RAB40C: variants seen among roughly 807,000 people sequenced by gnomAD.
The protein encoded by RAB40C is RAB40C, member RAS oncogene family.
Under a neutral mutation model 28.1 loss-of-function variants are expected in RAB40C, and 8 were observed. The observed-to-expected ratio is 0.28, with a 90% CI of 0.17 to 0.51. The LOEUF (loss-of-function observed/expected upper bound fraction) is 0.51, where lower values mean the gene tolerates loss of function less well. Ranked by LOEUF, RAB40C falls within the 20% of genes least tolerant of loss-of-function variation. The pLI is 0.97. For synonymous variants in RAB40C, 201 were observed against 171.7 expected (o/e 1.17, Z -1.34); for missense variants, 288 against 405.9 (o/e 0.71, Z 2.50).
chr16:592,961 A>T (rs569834400), intron 1 of RAB40C, among the ~76,000 whole-genome samples: 1 of 152,252 alleles, frequency 6.6e-6, no homozygotes, highest in Non-Finnish European at 1.5e-5. Flanking sequence ...GCTTGCAGAG[A>T]CTTCAGAGGC....
intron 1 of RAB40C, among the ~76,000 whole-genome samples, chr16:597,937 CAAAAAAAAAAAA>C (rs57539332): frequency 8.4e-4 from 24 of 28,454 alleles, no homozygotes; most frequent in Non-Finnish European, 1.2e-3. Flanking sequence ...CCCATCTCTA[CAAAAAAAAAAAA>C]AAAAAAAAAA....
chr16:616,145 A>G (rs1485606700), intron 1 of RAB40C, among the ~76,000 whole-genome samples: 1 of 151,104 alleles, frequency 6.6e-6, no homozygotes, highest in Non-Finnish European at 1.5e-5. Flanking sequence ...TAGTTCAGCT[A>G]CTCAGCAGGC....
In RAB40C at chr16:625,702, C is replaced by G. The variant is rs1596418244; in HGVS notation, c.342+193C>G. ...CAGTCGGGCGTGGAGCCCAGCAAGACCAGGAGCTACGGGGCCACCCGGAAG... is the reference window on the plus strand; with the variant it reads ...CAGTCGGGCGTGGAGCCCAGCAAGAGCAGGAGCTACGGGGCCACCCGGAAG... On this transcript the variant is annotated intron_variant, in intron 4 of 5. Transcript: ENST00000248139. 5 of 832,546 alleles carry G rather than the reference C, an allele frequency of 6.0e-6. No individual in the cohort carries two copies. In the East Asian group the frequency reaches 1.3e-4, roughly 22 times the overall value. The allele number at this position is 832,546 out of a possible 1,614,324, so 51.6% of individuals were successfully genotyped here.
chr16:618,218 C>T lies in RAB40C; in HGVS notation c.222C>T (p.Gly74=), dbSNP rs771325209. ...KLELWDTSGQ[G]RFCTIFRSYS... is the part of the protein sequence containing the mutation. ...GTTTCAGGGACACGTCGGGCCAGGG[C>T]CGGTTCTGCACCATCTTCAGGTCCT... Residue 74 remains glycine (G), a synonymous_variant, in exon 3 of 6, where the codon GGC becomes GGT. Transcript: ENST00000248139. 1.2e-6 allele frequency: 2 copies of T among 1,613,654 alleles called. No individual in the cohort carries two copies. Among genetic ancestry groups the T allele is most frequent in the Non-Finnish European group, 1.7e-6 (2 of 1,179,890 alleles).
intron 3 of RAB40C, chr16:624,274 C>T: frequency 2.0e-6 from 2 of 985,450 alleles, no homozygotes; most frequent in Non-Finnish European, 2.4e-6. Flanking sequence ...GTCTCTCCAC[C>T]TCCCCCAGCA....
chr16:617,041 G>A (rs2036600493), intron 1 of RAB40C, 167 bp from the exon 2 acceptor site: 4 of 708,600 alleles, frequency 5.6e-6, no homozygotes, highest in South Asian at 5.1e-5. Flanking sequence ...CTGGGTTGCT[G>A]GGCCAGAGCC....
intron 1 of RAB40C, among the ~76,000 whole-genome samples, chr16:611,986 C>T (rs1240359148): frequency 3.9e-5 from 2 of 51,394 alleles, no homozygotes; most frequent in Admixed American, 2.0e-4. Context: ...GACAGCCGCC[C>T]TGGCCTGTAG....
chr16:590,662 C>T (rs1244364280), intron 1 of RAB40C, among the ~76,000 whole-genome samples: 7 of 152,204 alleles, frequency 4.6e-5, no homozygotes, highest in Non-Finnish European at 8.8e-5. Flanking sequence ...CCAGCGGGGA[C>T]GGTGCCATGG....
In RAB40C at chr16:610,476, C is replaced by T. The variant is rs1223652159; in HGVS notation, c.143-6732C>T. 6.6e-6 allele frequency among the ~76,000 whole-genome samples: 1 copy of T among 152,180 alleles called. No individual in the cohort carries two copies. Among genetic ancestry groups the T allele is most frequent in the Non-Finnish European group, 1.5e-5 (1 of 68,016 alleles). Reference sequence around the variant, plus strand: ...GCCTCAGTGGGCCTGCACGGAGCAGCTGACCTTCACTGGCGCCCTTGCCTT... The same window carrying T: ...GCCTCAGTGGGCCTGCACGGAGCAGTTGACCTTCACTGGCGCCCTTGCCTT... On this transcript the variant is annotated intron_variant, in intron 1 of 5. Coordinates refer to ENST00000248139, the MANE Select transcript of RAB40C (RefSeq NM_021168.5). This position sits in a 1 kb window ranked among gnomAD's most constrained non-coding sequence, Gnocchi z 4.6.
At chr16:597,937 CAAAAAAA>C (rs57539332) in intron 1 of RAB40C, among the ~76,000 whole-genome samples, 3 of 28,466 alleles carry the variant, frequency 1.1e-4, no homozygotes, top group Non-Finnish European at 1.1e-4. Flanking sequence ...CCCATCTCTA[CAAAAAAA>C]AAAAAAAAAA....
Position 625,998 on chromosome 16 carries a change from A to C in RAB40C, c.442A>C (p.Asn148His). The change falls in exon 5 of 6, where the codon AAC becomes CAC. Residue 148 changes from asparagine (N) to histidine (H), a missense_variant. Around this residue, in one of 3 missense-constraint regions of RAB40C, gnomAD observed 153 missense variants for 262.4 expected, o/e 0.58. Coordinates refer to ENST00000248139, the MANE Select transcript of RAB40C (RefSeq NM_021168.5). The stretch of plus-strand genomic sequence containing the variant: ...GCAGGCCCGCGCGTACGCAGAGAAG[A>C]ACTGCATGACCTTCTTTGAGGTCAG... The part of the protein sequence containing the change: ...TEQARAYAEK[N>H]CMTFFEVSPL... 1.2e-6 allele frequency: 2 copies of C among 1,613,274 alleles called. No individual in the cohort carries two copies. The highest frequency in any genetic ancestry group is 1.7e-6 in the Non-Finnish European group (2 of 1,179,980).
intron 1 of RAB40C, among the ~76,000 whole-genome samples, chr16:594,522 A>G (rs2036070187): frequency 1.3e-5 from 2 of 152,230 alleles, no homozygotes; most frequent in African/African-American, 4.8e-5. Context: ...AGCTTTCTCC[A>G]AACAGTTACA....
intron 4 of RAB40C, 84 bp from the exon 5 acceptor site, chr16:625,815 C>A: frequency 7.6e-7 from 1 of 1,323,982 alleles, no homozygotes; most frequent in Admixed American, 2.0e-5. Flanking sequence ...CCATCATAGT[C>A]CAGACAATGA....
rs547680671 is a variant in RAB40C at position 597,777 on chromosome 16, A to T, written c.142+7344A>T. Among the ~76,000 whole-genome samples, 7 of 151,798 alleles carry T rather than the reference A, an allele frequency of 4.6e-5. No homozygotes were observed. In the East Asian group the frequency reaches 1.4e-3, roughly 30 times the overall value. On this transcript the variant is annotated intron_variant, in intron 1 of 5. Transcript: ENST00000248139. ...GTTGGTGGAATTACAGGCATGAGCCACTGTGCCCAGCCCAGCTCAGCATCT... is the reference window on the plus strand; with the variant it reads ...GTTGGTGGAATTACAGGCATGAGCCTCTGTGCCCAGCCCAGCTCAGCATCT...
chr16:613,780 C>A (rs1365516934), intron 1 of RAB40C, among the ~76,000 whole-genome samples: 1 of 152,020 alleles, frequency 6.6e-6, no homozygotes, highest in African/African-American at 2.4e-5. Flanking sequence ...ACACCCAGGT[C>A]TAGACCCAGG....
chr16:604,115 A>G (rs1051390314), intron 1 of RAB40C, among the ~76,000 whole-genome samples: 1 of 142,710 alleles, frequency 7.0e-6, no homozygotes, highest in Non-Finnish European at 1.5e-5. Context: ...GTGCAGTGGT[A>G]TGATCTCAGC....
chr16:591,735 G>C (rs1196293754), intron 1 of RAB40C, among the ~76,000 whole-genome samples: 1 of 152,002 alleles, frequency 6.6e-6, no homozygotes, highest in Admixed American at 6.6e-5. Flanking sequence ...GGGACTACAG[G>C]TGTATGCCAC....
chr16:602,637 C>A (rs957869445), intron 1 of RAB40C, among the ~76,000 whole-genome samples: 1 of 151,976 alleles, frequency 6.6e-6, no homozygotes, highest in East Asian at 1.9e-4. Context: ...TTCACCATGT[C>A]GGCCAGGCTG....
intron 1 of RAB40C, among the ~76,000 whole-genome samples, chr16:599,668 C>A (rs55751178): frequency 1.5e-4 from 22 of 147,690 alleles, no homozygotes; most frequent in Admixed American, 1.1e-3. Context: ...AGGTTTTGTT[C>A]CCTTGTGGCA....
Sources: allele counts gnomAD v4.1 joint callset (sites outside exome capture counted in the v4.1 genomes callset), GRCh38; gene constraint gnomAD v4.1.1; regional missense constraint gnomAD v4.1.1; non-coding constraint Gnocchi (gnomAD v3.1); transcripts MANE v1.5; gene names NCBI Gene and HGNC (gene_info 2026-07-23, HGNC 2026-07-21).